The following GALNT14 variants were observed in gnomAD, a reference collection of about 807,000 sequenced individuals.
GALNT14 encodes polypeptide N-acetylgalactosaminyltransferase 14.
Under a neutral mutation model 77.5 loss-of-function variants are expected in GALNT14, and 60 were observed. That is an observed-to-expected ratio of 0.77 (90% CI 0.63 to 0.96). GALNT14 has a LOEUF of 0.96. Ranked by LOEUF, GALNT14 falls within the 40% of genes least tolerant of loss-of-function variation. The pLI is 0.00. For synonymous variants in GALNT14, 280 were observed against 281.7 expected (o/e 0.99, Z 0.06); for missense variants, 710 against 731.0 (o/e 0.97, Z 0.33).
chr2:30,936,221 G>C (rs1666049904), intron 9 of GALNT14, among the ~76,000 whole-genome samples: 1 of 151,868 alleles, frequency 6.6e-6, no homozygotes, highest in South Asian at 2.1e-4. Context: ...CTGATCAGTA[G>C]TGCTTACCAC....
chr2:31,026,261 T>C (rs1406285740), intron 1 of GALNT14, among the ~76,000 whole-genome samples: 1 of 152,190 alleles, frequency 6.6e-6, no homozygotes, highest in Non-Finnish European at 1.5e-5. Context: ...CTTGTATTAT[T>C]TTGCCAAGTC....
chr2:30,942,900 A>T (rs1666466592), intron 8 of GALNT14, among the ~76,000 whole-genome samples: 2 of 152,204 alleles, frequency 1.3e-5, no homozygotes, highest in Admixed American at 1.3e-4. Context: ...TTGGAGACTA[A>T]GTCTTTCCAG....
chr2:30,989,583 A>ATATATATATATATATATAT lies in GALNT14; in HGVS notation c.299+3254_299+3255insATATATATATATATATATA, dbSNP rs56703340. 1.9e-3 allele frequency among the ~76,000 whole-genome samples: 174 copies of ATATATATATATATATATAT among 91,714 alleles called. 2 individuals are homozygous for ATATATATATATATATATAT. The highest frequency in any genetic ancestry group is 0.011 in the East Asian group (35 of 3,224). 60.2% of individuals were successfully genotyped at this position (91,714 alleles called of 152,430 possible). On this transcript the variant is annotated intron_variant, in intron 2 of 14. Transcript: ENST00000349752. Reference sequence around the variant, plus strand: ...CCTTATATATATATATATATATATAAAAATATATATATTAGTAGATATATA... The same window carrying ATATATATATATATATATAT: ...CCTTATATATATATATATATATATAATATATATATATATATATATAAATATATATATTAGTAGATATATA...
intron 1 of GALNT14, among the ~76,000 whole-genome samples, chr2:31,038,747 ATT>A (rs34671516): frequency 4.8e-4 from 69 of 143,952 alleles, no homozygotes; most frequent in Non-Finnish European, 7.0e-4. Flanking sequence ...AGATTCAGCA[ATT>A]TTTTTTTTTT....
intron 11 of GALNT14, among the ~76,000 whole-genome samples, chr2:30,928,453 C>T (rs1289004961): frequency 2.0e-5 from 3 of 152,110 alleles, no homozygotes; most frequent in Admixed American, 2.0e-4. Flanking sequence ...CCACCATCCC[C>T]CCTCTGCCAT....
At chr2:30,958,310 GA>G (rs1667485446) in intron 4 of GALNT14, 86 bp downstream of exon 4, 1 of 1,186,096 alleles carries the variant, frequency 8.4e-7, no homozygotes, top group African/African-American at 1.5e-5. Context: ...CCCATTCCCA[GA>G]AAACCAGTGG....
intron 1 of GALNT14, among the ~76,000 whole-genome samples, chr2:31,120,605 G>A (rs1678360241): frequency 6.6e-6 from 1 of 152,072 alleles, no homozygotes; most frequent in Admixed American, 6.5e-5. Context: ...CGCCCAGGCT[G>A]GAGTGCAGTG....
chr2:31,088,038 A>G (rs779305365), intron 1 of GALNT14, among the ~76,000 whole-genome samples: 1 of 152,358 alleles, frequency 6.6e-6, no homozygotes, highest in East Asian at 1.9e-4. Flanking sequence ...GCTTTGATCT[A>G]GGACTTCCCA....
At chr2:31,077,133 C>G (rs533842113) in intron 1 of GALNT14, among the ~76,000 whole-genome samples, 1 of 152,316 alleles carries the variant, frequency 6.6e-6, no homozygotes, top group East Asian at 1.9e-4. Flanking sequence ...TTGTTTCTCA[C>G]AGTGCTAAGC....
At chr2:30,914,627 T>C (rs1188219758) in intron 13 of GALNT14, among the ~76,000 whole-genome samples, 1 of 152,224 alleles carries the variant, frequency 6.6e-6, no homozygotes, top group Non-Finnish European at 1.5e-5. Context: ...ATACACACAG[T>C]GCTGGCTTCT....
intron 1 of GALNT14, among the ~76,000 whole-genome samples, chr2:31,048,738 G>A (rs1243172969): frequency 2.0e-5 from 3 of 152,060 alleles, no homozygotes; most frequent in Admixed American, 6.5e-5. Context: ...GATGTGCCAG[G>A]AGCTCTATGT....
intron 1 of GALNT14, among the ~76,000 whole-genome samples, chr2:31,062,045 T>C (rs1426146151): frequency 6.6e-6 from 1 of 152,240 alleles, no homozygotes; most frequent in Non-Finnish European, 1.5e-5. Context: ...AATCAAGTCA[T>C]ACTAATTTTT....
At chr2:30,975,282 G>A (rs140813073) in intron 2 of GALNT14, among the ~76,000 whole-genome samples, 7 of 152,316 alleles carry the variant, frequency 4.6e-5, no homozygotes, top group African/African-American at 1.7e-4. Flanking sequence ...GAAAAATGTC[G>A]ATGATGAAGC....
chr2:30,993,798 G>A (rs908736798), intron 1 of GALNT14, among the ~76,000 whole-genome samples: 1 of 152,202 alleles, frequency 6.6e-6, no homozygotes, highest in East Asian at 1.9e-4. Context: ...AGGTCACACA[G>A]GTGGGAAGGG....
At chr2:31,060,945 TA>T (rs1197614780) in intron 1 of GALNT14, among the ~76,000 whole-genome samples, 3 of 152,156 alleles carry the variant, frequency 2.0e-5, no homozygotes, top group Non-Finnish European at 4.4e-5. Flanking sequence ...ACTTTCTTCC[TA>T]GGAGGCTTTG....
chr2:30,912,079 G>GA, intron 14 of GALNT14, 144 bp downstream of exon 14: 1 of 1,009,672 alleles, frequency 9.9e-7, no homozygotes, highest in Non-Finnish European at 1.5e-6. Flanking sequence ...ATCCCAGGCA[G>GA]CACTTTCCCT....
intron 9 of GALNT14, among the ~76,000 whole-genome samples, chr2:30,939,930 C>T (rs1351355997): frequency 6.6e-6 from 1 of 151,418 alleles, no homozygotes; most frequent in Non-Finnish European, 1.5e-5. Flanking sequence ...TCCCCACCCG[C>T]AGATGTGACA....
At chr2:31,010,540 G>A (rs1012186760) in intron 1 of GALNT14, among the ~76,000 whole-genome samples, 15 of 152,190 alleles carry the variant, frequency 9.9e-5, no homozygotes, top group African/African-American at 1.9e-4. Context: ...GCGTGAACCC[G>A]GGAGGTGGAG....
At chr2:31,077,918 A>G (rs115632732) in intron 1 of GALNT14, among the ~76,000 whole-genome samples, 2,544 of 152,340 alleles carry the variant, frequency 0.017, 75 homozygotes, top group African/African-American at 0.056. Flanking sequence ...TGTTGTGTCC[A>G]CAGAGGAATG....
Sources: allele counts gnomAD v4.1 joint callset (sites outside exome capture counted in the v4.1 genomes callset), GRCh38; gene constraint gnomAD v4.1.1; transcripts MANE v1.5; gene names NCBI Gene and HGNC (gene_info 2026-07-23, HGNC 2026-07-21).